The following ULK4 variants were observed in gnomAD, a reference collection of about 807,000 sequenced individuals.
ULK4 encodes inactive serine/threonine-protein kinase ULK4.
A neutral mutation model predicts 160.6 loss-of-function variants in ULK4; 133 were observed. That is an observed-to-expected ratio of 0.83 (90% CI 0.72 to 0.96). The LOEUF (loss-of-function observed/expected upper bound fraction) is 0.96. ULK4 is among the 40% of genes least tolerant of loss of function. The pLI, the probability that ULK4 is intolerant of heterozygous loss-of-function variation, is 0.00. For missense variants in ULK4, 1,580 were observed against 1,499.5 expected (o/e 1.05, Z -0.89); for synonymous variants, 534 against 539.8 (o/e 0.99, Z 0.15).
intron 17 of ULK4, among the ~76,000 whole-genome samples, chr3:41,845,968 T>C (rs1358529262): frequency 6.6e-6 from 1 of 152,218 alleles, no homozygotes; most frequent in Non-Finnish European, 1.5e-5. Context: ...TCCACTAGTA[T>C]TTTGTGTCAG....
chr3:41,346,218 G>A (rs923059451), intron 35 of ULK4, among the ~76,000 whole-genome samples: 5 of 152,226 alleles, frequency 3.3e-5, no homozygotes, highest in South Asian at 2.1e-4. Flanking sequence ...TTGACTGAGC[G>A]TTTCACCTAG....
At position 41,717,051 on chromosome 3, in the gene ULK4, T is replaced by C. The variant is rs550399073; in HGVS notation, c.2455+677A>G. Among the ~76,000 whole-genome samples the C allele has an allele frequency of 2.8e-3, 424 of 152,070 alleles. 1 individual carries two copies. The highest frequency in any genetic ancestry group is 0.017 in the Middle Eastern group (5 of 294). On this transcript the variant is annotated intron_variant, in intron 23 of 36. Transcript: ENST00000301831. The stretch of plus-strand genomic sequence containing the variant: ...GATAACAAAGGCTGAGAAGGGTGAA[T>C]GGATGTGGAGGGATGAGGAAAAAAA...
At chr3:41,484,258 A>T (rs1262618906) in intron 32 of ULK4, among the ~76,000 whole-genome samples, 1 of 152,062 alleles carries the variant, frequency 6.6e-6, no homozygotes, top group Non-Finnish European at 1.5e-5. Flanking sequence ...ACATTTATCA[A>T]ATAAATATTA....
rs2041070906 is a variant in ULK4 at position 41,819,456 on chromosome 3, T to C, written c.1815A>G (p.Ala605=). ...GAAGGCACCTCATTAGCACTGTGTATGCAGCCAAGGGAACAGCCCAGCACT... is the reference window on the plus strand; with the variant it reads ...GAAGGCACCTCATTAGCACTGTGTACGCAGCCAAGGGAACAGCCCAGCACT... ...PRECWAVPLA[A]YTVLMRCLRE... is the part of the protein sequence containing the mutation. Residue 605 remains alanine, a synonymous_variant, in exon 19 of 37, where the codon GCA becomes GCG. Coordinates refer to ENST00000301831, the MANE Select transcript of ULK4 (RefSeq NM_017886.4). 1.2e-6 allele frequency: 2 copies of C among 1,613,388 alleles called. No individual in the cohort carries two copies. Among genetic ancestry groups the C allele is most frequent in the Non-Finnish European group, 1.7e-6 (2 of 1,179,924 alleles).
intron 31 of ULK4, among the ~76,000 whole-genome samples, chr3:41,591,178 A>T (rs4973973): frequency 1.3e-5 from 2 of 151,986 alleles, no homozygotes; most frequent in African/African-American, 4.8e-5. Context: ...CCAGAAGACA[A>T]TGAAAAGCAA....
rs151195592 is a variant in ULK4 at position 41,561,848 on chromosome 3, G to A, written c.3226+4177C>T. Among the ~76,000 whole-genome samples the A allele has an allele frequency of 4.5e-4, 68 of 152,050 alleles. 2 individuals are homozygous for A. The highest frequency in any genetic ancestry group is 4.6e-4 in the African/African-American group (19 of 41,468). On this transcript the variant is annotated intron_variant, in intron 32 of 36. Transcript: ENST00000301831. ...ACTGATTTTTTGAAGGGTTTTTTGC[G>A]TCTCTGTCTCCTTCAGTTCTGCTCT... is the stretch of plus-strand genomic sequence containing the variant.
At chr3:41,707,562 T>A (rs1359655269) in intron 25 of ULK4, among the ~76,000 whole-genome samples, 3 of 152,162 alleles carry the variant, frequency 2.0e-5, no homozygotes, top group African/African-American at 7.2e-5. Flanking sequence ...CCAGGTGAAG[T>A]GGCTCACACC....
intron 27 of ULK4, among the ~76,000 whole-genome samples, chr3:41,695,999 G>A (rs758208060): frequency 7.2e-5 from 11 of 152,200 alleles, no homozygotes; most frequent in Admixed American, 5.2e-4. Flanking sequence ...TTGGTCTAGC[G>A]GTAACGCCAG....
At chr3:41,719,353 A>G (rs1483215114) in intron 22 of ULK4, among the ~76,000 whole-genome samples, 1 of 152,168 alleles carries the variant, frequency 6.6e-6, no homozygotes, top group Non-Finnish European at 1.5e-5. Context: ...CCAATTACAT[A>G]TCTGCAGCTC....
intron 32 of ULK4, among the ~76,000 whole-genome samples, chr3:41,532,656 TCA>T (rs1296668715): frequency 6.6e-6 from 1 of 152,164 alleles, no homozygotes; most frequent in Non-Finnish European, 1.5e-5. Flanking sequence ...TGGAACACAG[TCA>T]CACATTCATT....
At chr3:41,390,793 G>A (rs997449629) in intron 35 of ULK4, among the ~76,000 whole-genome samples, 11 of 151,968 alleles carry the variant, frequency 7.2e-5, no homozygotes, top group African/African-American at 2.7e-4. Context: ...CCAACTATGT[G>A]GTCTATTTTG....
chr3:41,935,027 T>TTTTC (rs1296783750), intron 4 of ULK4, among the ~76,000 whole-genome samples: 2 of 140,972 alleles, frequency 1.4e-5, no homozygotes, highest in African/African-American at 5.2e-5. Flanking sequence ...ATTTTTTTTT[T>TTTTC]TTTTTTTTTT....
chr3:41,581,990 T>C (rs981114395), intron 31 of ULK4, among the ~76,000 whole-genome samples: 15 of 152,184 alleles, frequency 9.9e-5, no homozygotes, highest in Admixed American at 5.2e-4. Context: ...CTAGAACTTC[T>C]GCAATGAACA....
At chr3:41,643,630 C>T (rs2034340798) in intron 30 of ULK4, among the ~76,000 whole-genome samples, 1 of 152,232 alleles carries the variant, frequency 6.6e-6, no homozygotes, top group East Asian at 1.9e-4. Context: ...TAGCGTGATG[C>T]CTCCTGCTTT....
intron 33 of ULK4, among the ~76,000 whole-genome samples, chr3:41,461,826 A>T (rs1276072616): frequency 4.6e-5 from 7 of 152,202 alleles, no homozygotes; most frequent in Admixed American, 4.6e-4. Context: ...TGTAAAAGTA[A>T]CTATCAACTA....
chr3:41,368,113 T>A (rs1012127648), intron 35 of ULK4, among the ~76,000 whole-genome samples: 1 of 151,900 alleles, frequency 6.6e-6, no homozygotes, highest in Non-Finnish European at 1.5e-5. Flanking sequence ...AGTGGTGCGA[T>A]CTCGGTTCAC....
At chr3:41,761,528 C>G (rs2038985685) in intron 21 of ULK4, among the ~76,000 whole-genome samples, 1 of 151,252 alleles carries the variant, frequency 6.6e-6, no homozygotes, top group African/African-American at 2.4e-5. Context: ...ATACAAGAAG[C>G]AATAAAATAT....
chr3:41,363,366 G>C (rs1482758943), intron 35 of ULK4, among the ~76,000 whole-genome samples: 1 of 152,220 alleles, frequency 6.6e-6, no homozygotes, highest in Non-Finnish European at 1.5e-5. Flanking sequence ...GTGCTCTCCT[G>C]AGTCAGACAC....
rs140850895 is a variant in ULK4, at chr3:41,924,671, T to C, written c.542-4853A>G. On this transcript the variant is annotated intron_variant, in intron 5 of 36. Transcript: ENST00000301831. ...TTTTCAAAGAATACTGATAATTCTATGGAATGCAATTTAAGGACATTAAAA... is the reference window on the plus strand; with the variant it reads ...TTTTCAAAGAATACTGATAATTCTACGGAATGCAATTTAAGGACATTAAAA... Among the ~76,000 whole-genome samples, 7 of 152,346 alleles carry C rather than the reference T, an allele frequency of 4.6e-5. No individual in the cohort carries two copies. In the East Asian group the frequency reaches 1.2e-3, roughly 25 times the overall value.
Sources: allele counts gnomAD v4.1 joint callset (sites outside exome capture counted in the v4.1 genomes callset), GRCh38; gene constraint gnomAD v4.1.1; transcripts MANE v1.5; gene names NCBI Gene and HGNC (gene_info 2026-07-23, HGNC 2026-07-21).